WAC: variants seen among roughly 807,000 people sequenced by gnomAD.
The protein encoded by WAC is WW domain containing adaptor with coiled-coil.
Under a neutral mutation model 79.6 loss-of-function variants are expected in WAC, and 11 were observed. The ratio of observed to expected loss-of-function variants is 0.14; its 90% CI spans 0.09 to 0.23. The LOEUF is 0.23. Ranked by LOEUF, WAC falls within the 10% of genes least tolerant of loss-of-function variation. The pLI is 1.00. For missense variants in WAC, 728 were observed against 773.5 expected (o/e 0.94, Z 0.70); for synonymous variants, 304 against 276.9 (o/e 1.10, Z -0.97).
chr10:28,619,421 T>C (rs1841613139), intron 13 of WAC, 116 bp from the exon 14 acceptor site: 2 of 744,712 alleles, frequency 2.7e-6, no homozygotes, highest in South Asian at 2.1e-5. Context: ...TTTAAATTTC[T>C]TTGCCTTAAT....
chr10:28,557,137 C>G (rs1317609905), intron 3 of WAC, among the ~76,000 whole-genome samples: 1 of 151,674 alleles, frequency 6.6e-6, no homozygotes, highest in Non-Finnish European at 1.5e-5. Context: ...AGTTGAACAG[C>G]CTTTTTCTAA....
chr10:28,551,784 T>TGTGTG (rs1837682780), intron 3 of WAC, among the ~76,000 whole-genome samples: 23 of 124,814 alleles, frequency 1.8e-4, no homozygotes, highest in African/African-American at 5.7e-4. Context: ...TCCTGTCTAC[T>TGTGTG]TGTGTGTGTG....
In WAC at chr10:28,610,889, T is replaced by C. The variant is rs181119889; in HGVS notation, c.1288+68T>C. On this transcript the variant is annotated intron_variant, in intron 9 of 13. Transcript: ENST00000354911. ...TTTTGTTTTGGAATTAATAGCCCTT[T>C]TTTGTATTTAGTTTTTTCTTTCATT... 888 of 1,455,830 alleles carry C rather than the reference T, an allele frequency of 6.1e-4. 10 individuals carry two copies. In the East Asian group the frequency reaches 0.02, roughly 33 times the overall value. The allele number at this position is 1,455,830 out of a possible 1,614,324, so 90.2% of individuals were successfully genotyped here.
At chr10:28,602,213 G>A (rs988850984) in intron 7 of WAC, among the ~76,000 whole-genome samples, 5 of 152,130 alleles carry the variant, frequency 3.3e-5, no homozygotes, top group Non-Finnish European at 7.4e-5. Flanking sequence ...AGTAGGGGAT[G>A]TCACTTTAGC....
intron 7 of WAC, among the ~76,000 whole-genome samples, chr10:28,603,476 C>G (rs1840741588): frequency 6.6e-6 from 1 of 152,168 alleles, no homozygotes; most frequent in African/African-American, 2.4e-5. Flanking sequence ...TACATTCTCT[C>G]ACGTAAATTC....
chr10:28,596,083 T>C (rs1270223718), intron 7 of WAC, 42 bp downstream of exon 7: 7 of 1,548,722 alleles, frequency 4.5e-6, no homozygotes, highest in Non-Finnish European at 6.1e-6. Flanking sequence ...AACTATAGTT[T>C]CTAAGTTTCT....
rs185580589 is a variant in WAC, at chr10:28,570,889, A to G, written c.275-12510A>G. Among the ~76,000 whole-genome samples, 628 of 150,956 alleles carry G rather than the reference A, an allele frequency of 4.2e-3. 6 individuals carry two copies. The highest frequency in any genetic ancestry group is 7.0e-3 in the Non-Finnish European group (471 of 67,748). Reference sequence around the variant, plus strand: ...TTTAAATAGTTGGGGAAAAAATTAGATAACTGTTTTTCTAGAAAGACTCTT... The same window carrying G: ...TTTAAATAGTTGGGGAAAAAATTAGGTAACTGTTTTTCTAGAAAGACTCTT... On this transcript the variant is annotated intron_variant, in intron 3 of 13. Coordinates refer to ENST00000354911, the MANE Select transcript of WAC (RefSeq NM_016628.5).
intron 9 of WAC, chr10:28,611,560 G>C: frequency 7.5e-7 from 1 of 1,328,180 alleles, no homozygotes; most frequent in Non-Finnish European, 9.9e-7. Flanking sequence ...GGGCCACACT[G>C]GGTGTGCTTA....
At position 28,533,701 on chromosome 10, in the gene WAC, C is replaced by T. The variant is rs1024989952; in HGVS notation, c.41+81C>T. On this transcript the variant is annotated intron_variant, in intron 1 of 13. Coordinates refer to ENST00000354911, the MANE Select transcript of WAC (RefSeq NM_016628.5). Reference sequence around the variant, plus strand: ...CTGTTCCTCCTTATCTGGAGCTGGCCGGGCCGCCATTTTTGTTGTTAACCC... The same window carrying T: ...CTGTTCCTCCTTATCTGGAGCTGGCTGGGCCGCCATTTTTGTTGTTAACCC... 117 of 1,394,750 alleles carry T rather than the reference C, an allele frequency of 8.4e-5. 1 individual carries two copies. In the Admixed American group the frequency reaches 1.6e-3, roughly 19 times the overall value. 86.4% of individuals were successfully genotyped at this position (1,394,750 alleles called of 1,614,324 possible). A position where few individuals can be genotyped will look rare whatever the true frequency, so the allele number is the denominator to read the frequency against.
At chr10:28,568,714 C>T (rs370289056) in intron 3 of WAC, among the ~76,000 whole-genome samples, 4 of 152,106 alleles carry the variant, frequency 2.6e-5, no homozygotes, top group African/African-American at 4.8e-5. Flanking sequence ...CCACGACAGG[C>T]CCTGGTGTGT....
In WAC at chr10:28,549,258, C is replaced by A. The variant is rs1014339800; in HGVS notation, c.274+13501C>A. 1.6e-4 allele frequency among the ~76,000 whole-genome samples: 25 copies of A among 152,160 alleles called. 1 individual carries two copies. Among genetic ancestry groups the A allele is most frequent in the African/African-American group, 6.0e-4 (25 of 41,436 alleles). On this transcript the variant is annotated intron_variant, in intron 3 of 13. Transcript: ENST00000354911. ...TCTGTGCTGCTGTTTTAATCTCATG[C>A]TTGAGCCGTGACTCAAAAGTTACTT...
At chr10:28,543,485 G>A (rs1230793907) in intron 3 of WAC, among the ~76,000 whole-genome samples, 1 of 152,228 alleles carries the variant, frequency 6.6e-6, no homozygotes, top group Non-Finnish European at 1.5e-5. Flanking sequence ...CATTTCATGT[G>A]TTTAATTGCC....
In WAC at chr10:28,608,142, T is replaced by C. The variant is rs369280126; in HGVS notation, c.920-44T>C. On this transcript the variant is annotated intron_variant, in intron 7 of 13. Coordinates refer to ENST00000354911, the MANE Select transcript of WAC (RefSeq NM_016628.5). ...GTTCCTTTGATGTTTGTTCCAATTT[T>C]CTCTATTCAGGTAATTTTTCAGGCT... 2.1e-5 allele frequency: 33 copies of C among 1,607,190 alleles called. No individual in the cohort carries two copies. In the African/African-American group the frequency reaches 4.3e-4, roughly 21 times the overall value.
chr10:28,539,818 C>A (rs942068552), intron 3 of WAC, among the ~76,000 whole-genome samples: 6 of 152,122 alleles, frequency 3.9e-5, no homozygotes, highest in Non-Finnish European at 8.8e-5. Context: ...CTCGGCCTCC[C>A]AAAGTGCTAG....
At chr10:28,539,804 C>T (rs1386080814) in intron 3 of WAC, among the ~76,000 whole-genome samples, 1 of 152,122 alleles carries the variant, frequency 6.6e-6, no homozygotes, top group African/African-American at 2.4e-5. Context: ...AGTGATCCAC[C>T]TGCCTCGGCC....
chr10:28,547,780 AT>A (rs1837434751), intron 3 of WAC, among the ~76,000 whole-genome samples: 1 of 152,084 alleles, frequency 6.6e-6, no homozygotes, highest in Non-Finnish European at 1.5e-5. Context: ...CAGCTTGAAA[AT>A]TTAGAGTTTT....
Position 28,569,778 on chromosome 10 carries a change from A to G in WAC, c.275-13621A>G, listed in dbSNP as rs531061079. On this transcript the variant is annotated intron_variant, in intron 3 of 13. Transcript: ENST00000354911. ...TGTTGGGGCTTCCCCTCCAGTAATCATTGAGATTCTGTTTTTATCTTTAGT... is the reference window on the plus strand; with the variant it reads ...TGTTGGGGCTTCCCCTCCAGTAATCGTTGAGATTCTGTTTTTATCTTTAGT... Among the ~76,000 whole-genome samples the G allele has an allele frequency of 3.9e-5, 6 of 152,364 alleles. No individual in the cohort carries two copies. In the South Asian group the frequency reaches 6.2e-4, roughly 16 times the overall value.
At chr10:28,537,313 A>T (rs1836734024) in intron 3 of WAC, among the ~76,000 whole-genome samples, 1 of 152,200 alleles carries the variant, frequency 6.6e-6, no homozygotes, top group African/African-American at 2.4e-5. Context: ...GTAAAGCCTG[A>T]GATGGTACTC....
At chr10:28,584,335 A>G (rs1839696738) in intron 4 of WAC, among the ~76,000 whole-genome samples, 1 of 152,228 alleles carries the variant, frequency 6.6e-6, no homozygotes, top group African/African-American at 2.4e-5. Context: ...GCAACGATGT[A>G]GAAGTGTAAA....
Sources: allele counts gnomAD v4.1 joint callset (sites outside exome capture counted in the v4.1 genomes callset), GRCh38; gene constraint gnomAD v4.1.1; transcripts MANE v1.5; gene names NCBI Gene and HGNC (gene_info 2026-07-23, HGNC 2026-07-21).